The following ANXA1 variants were observed in gnomAD, a reference collection of about 807,000 sequenced individuals.
ANXA1 encodes the protein annexin A1.
Under a neutral mutation model 47.9 loss-of-function variants are expected in ANXA1, and 39 were observed. The ratio of observed to expected loss-of-function variants is 0.81; its 90% confidence interval spans 0.63 to 1.06. The LOEUF (loss-of-function observed/expected upper bound fraction) is 1.06, where lower values mean the gene tolerates loss of function less well. Ranked by LOEUF, ANXA1 falls within the 50% of genes least tolerant of loss-of-function variation. ANXA1 has a pLI of 0.00. For synonymous variants in ANXA1, 146 were observed against 142.5 expected (o/e 1.02, Z -0.17); for missense variants, 446 against 422.7 (o/e 1.06, Z -0.48).
chr9:73,164,286 G>T (rs1824191208), intron 8 of ANXA1, among the ~76,000 whole-genome samples: 1 of 152,022 alleles, frequency 6.6e-6, no homozygotes, highest in African/African-American at 2.4e-5. Flanking sequence ...TGAACTTTTT[G>T]TTCAACAAAT....
At position 73,165,113 on chromosome 9, in the gene ANXA1, C is replaced by T. The variant is rs1444937986; in HGVS notation, c.613-3C>T. 1 of 1,611,076 alleles carries T rather than the reference C, an allele frequency of 6.2e-7. No individual in the cohort carries two copies. Among genetic ancestry groups the T allele is most frequent in the African/African-American group, 1.3e-5 (1 of 74,752 alleles). On this transcript the variant is annotated splice_polypyrimidine_tract_variant and splice_region_variant and intron_variant, in intron 8 of 12. Coordinates refer to ENST00000257497, the MANE Select transcript of ANXA1 (RefSeq NM_000700.3). Reference sequence around the variant, plus strand: ...AAGTGTTTACTTTTGTGTTTCTTGACAGGCCTTGTATGAAGCAGGAGAAAG... The same window carrying T: ...AAGTGTTTACTTTTGTGTTTCTTGATAGGCCTTGTATGAAGCAGGAGAAAG...
chr9:73,168,474 G>A (rs1022161431), intron 11 of ANXA1: 22 of 152,336 alleles, frequency 1.4e-4, no homozygotes, highest in African/African-American at 5.1e-4. Flanking sequence ...AAGAGTGGAA[G>A]AGATGGGGAT....
Position 73,158,410 on chromosome 9 carries a change from T to C in ANXA1, c.-14-112T>C, listed in dbSNP as rs1824082982. 4 of 781,874 alleles carry C rather than the reference T, an allele frequency of 5.1e-6. No individual in the cohort carries two copies. The South Asian group carries it at 6.9e-5, about 13-fold the overall frequency. 48.4% of individuals were successfully genotyped at this position (781,874 alleles called of 1,614,324 possible). On this transcript the variant is annotated intron_variant, in intron 1 of 12. Transcript: ENST00000257497. Reference sequence around the variant, plus strand: ...CCTAAGTGTAATTGATCCTGGAAAGTAAGCGCAAGGCTACTCTCTAATGCT... The same window carrying C: ...CCTAAGTGTAATTGATCCTGGAAAGCAAGCGCAAGGCTACTCTCTAATGCT...
chr9:73,163,292 G>A (rs1824174384), intron 7 of ANXA1, among the ~76,000 whole-genome samples, 184 bp from the exon 8 acceptor site: 5 of 152,070 alleles, frequency 3.3e-5, no homozygotes, highest in Admixed American at 3.3e-4. Flanking sequence ...TTCAACATGA[G>A]GTTTGGAGGG....
rs752680857 is a variant in ANXA1 at position 73,166,168 on chromosome 9, A to G, written c.778A>G (p.Ile260Val). Residue 260 changes from isoleucine (I) to valine (V), a missense_variant, in exon 10 of 13, where the codon ATT (isoleucine) becomes GTT (valine). Physicochemically the swap from Ile to Val is conservative, Grantham distance 29. Coordinates refer to ENST00000257497, the MANE Select transcript of ANXA1 (RefSeq NM_000700.3). ...KVLDLELKGD[I>V]EKCLTAIVKC... ...TCTGGACCTGGAGTTGAAAGGTGACATTGAGAAATGCCTCACAGCTATCGG... is the reference window on the plus strand; with the variant it reads ...TCTGGACCTGGAGTTGAAAGGTGACGTTGAGAAATGCCTCACAGCTATCGG... 1.2e-6 allele frequency: 2 copies of G among 1,612,308 alleles called. No homozygotes were observed. The highest frequency in any genetic ancestry group is 1.7e-6 in the Non-Finnish European group (2 of 1,178,926).
Position 73,160,281 on chromosome 9 carries a change from A to G in ANXA1, c.289A>G (p.Lys97Glu). The change falls in exon 5 of 13, where the codon AAG (lysine) becomes GAG (glutamate). Residue 97 changes from lysine to glutamate, a missense_variant. Coordinates refer to ENST00000257497, the MANE Select transcript of ANXA1 (RefSeq NM_000700.3). ...ETGKPLDETLKKALTGHLEEV... is the reference protein window; with the variant it reads ...ETGKPLDETLEKALTGHLEEV... ...TTTGTAGCCCCTGGATGAAACACTG[A>G]AGAAAGCCCTTACAGGTCACCTTGA... 6.4e-7 allele frequency: 1 copy of G among 1,568,278 alleles called. No individual in the cohort carries two copies.
intron 8 of ANXA1, 44 bp downstream of exon 8, chr9:73,163,576 C>T: frequency 1.3e-6 from 2 of 1,597,412 alleles, no homozygotes; most frequent in Non-Finnish European, 1.7e-6. Context: ...CATCTTCCTA[C>T]CTTAAGTGGG....
At chr9:73,155,137 G>A (rs1824028261) in intron 1 of ANXA1, among the ~76,000 whole-genome samples, 1 of 152,154 alleles carries the variant, frequency 6.6e-6, no homozygotes, top group Non-Finnish European at 1.5e-5. Context: ...GGCAGTGCAT[G>A]TTCACAAAAA....
intron 6 of ANXA1, among the ~76,000 whole-genome samples, chr9:73,162,508 T>C (rs1305845568): frequency 1.3e-5 from 2 of 152,212 alleles, no homozygotes; most frequent in South Asian, 2.1e-4. Context: ...ACCTATACAA[T>C]TTATTCTTAA....
At chr9:73,169,374 G>C (rs578073396) in intron 12 of ANXA1, among the ~76,000 whole-genome samples, 1 of 152,156 alleles carries the variant, frequency 6.6e-6, no homozygotes, top group African/African-American at 2.4e-5. Context: ...TAAAGTCATG[G>C]AAACATTTAG....
At chr9:73,165,253 C>G (rs370740258) in intron 9 of ANXA1, 44 bp downstream of exon 9, 9 of 1,521,050 alleles carry the variant, frequency 5.9e-6, no homozygotes. Flanking sequence ...ATGGAAGATG[C>G]AATTTTCTTT....
chr9:73,169,184 A>C, intron 12 of ANXA1, 30 bp downstream of exon 12: 1 of 1,563,724 alleles, frequency 6.4e-7, no homozygotes, highest in South Asian at 1.2e-5. Flanking sequence ...ATGCCATCCC[A>C]ACAAATGAAA....
At chr9:73,155,972 AACAGT>A (rs1393542918) in intron 1 of ANXA1, among the ~76,000 whole-genome samples, 1 of 150,562 alleles carries the variant, frequency 6.6e-6, no homozygotes, top group Non-Finnish European at 1.5e-5. Context: ...GTAAAAAAAA[AACAGT>A]ACAGTAAAGT....
intron 1 of ANXA1, among the ~76,000 whole-genome samples, chr9:73,156,601 A>G (rs931383287): frequency 6.6e-6 from 1 of 152,144 alleles, no homozygotes; most frequent in African/African-American, 2.4e-5. Context: ...TCTGCTTTGG[A>G]TATTATTTTC....
chr9:73,159,246 G>T, intron 3 of ANXA1, 83 bp from the exon 4 acceptor site: 1 of 1,092,300 alleles, frequency 9.2e-7, no homozygotes. Context: ...AAGTTCTTTT[G>T]GAGCATCTCA....
rs749677130 is a variant in ANXA1, at chr9:73,160,883, C to A, written c.465C>A (p.Val155=). The A allele has an allele frequency of 1.9e-6, 3 of 1,607,632 alleles. No homozygotes were observed. The highest frequency in any genetic ancestry group is 2.6e-6 in the Non-Finnish European group (3 of 1,174,602). Residue 155 remains valine (V), a synonymous_variant, in exon 6 of 13, where the codon GTC becomes GTA. Coordinates refer to ENST00000257497, the MANE Select transcript of ANXA1 (RefSeq NM_000700.3). The part of the protein sequence containing the change: ...TNKEIRDINR[V]YREELKRDLA... ...AAGAAATCAGAGACATTAACAGGGT[C>A]TACAGAGAGGGTAAGTTGTAATGTC...
intron 12 of ANXA1, 137 bp from the exon 13 acceptor site, chr9:73,169,914 T>G (rs1037650667): frequency 1.8e-5 from 9 of 506,386 alleles, no homozygotes; most frequent in Non-Finnish European, 2.7e-5. Flanking sequence ...ATCTGTTGTA[T>G]ATATTGTTTA....
Position 73,160,817 on chromosome 9 carries a change from T to C in ANXA1, c.399T>C (p.Asp133=), listed in dbSNP as rs1824129615. ...LRAAMKGLGT[D]EDTLIEILAS... ...TTCAAATTTAGGGCCTTGGAACTGA[T>C]GAAGATACTCTAATTGAGATTTTGG... Residue 133 remains aspartate, a synonymous_variant, in exon 6 of 13, where the codon GAT becomes GAC. Transcript: ENST00000257497. 18 of 1,611,930 alleles carry C rather than the reference T, an allele frequency of 1.1e-5. No individual in the cohort carries two copies. Among genetic ancestry groups the C allele is most frequent in the African/African-American group, 4.0e-5 (3 of 74,848 alleles).
chr9:73,153,098 C>T (rs1823996102), intron 1 of ANXA1, among the ~76,000 whole-genome samples: 1 of 152,078 alleles, frequency 6.6e-6, no homozygotes, highest in African/African-American at 2.4e-5. Context: ...GGCCTCTTCC[C>T]CAAAAGTGAC....
Sources: allele counts gnomAD v4.1 joint callset (sites outside exome capture counted in the v4.1 genomes callset), GRCh38; gene constraint gnomAD v4.1.1; transcripts MANE v1.5; gene names NCBI Gene and HGNC (gene_info 2026-07-23, HGNC 2026-07-21).